Variants in CTNND2 observed in about 807,000 individuals in gnomAD.
The protein encoded by CTNND2 is catenin delta 2.
In CTNND2, 22 loss-of-function variants were observed where a neutral mutation model predicts 144.4. That is an observed-to-expected ratio of 0.15 (90% CI 0.11 to 0.22). CTNND2 has a LOEUF of 0.22. CTNND2 is among the 10% of genes least tolerant of loss of function. The pLI, the probability that CTNND2 is intolerant of heterozygous loss-of-function variation, is 1.00. For synonymous variants in CTNND2, 751 were observed against 695.6 expected (o/e 1.08, Z -1.25); for missense variants, 1,353 against 1,618.8 (o/e 0.84, Z 2.82).
At chr5:11,256,267 C>T (rs979322827) in intron 9 of CTNND2, among the ~76,000 whole-genome samples, 1 of 152,164 alleles carries the variant, frequency 6.6e-6, no homozygotes, top group African/African-American at 2.4e-5. Context: ...TGTGTGTTGA[C>T]ATAGATACAT....
intron 9 of CTNND2, among the ~76,000 whole-genome samples, chr5:11,294,988 C>T (rs1300422790): frequency 3.3e-5 from 5 of 152,190 alleles, no homozygotes; most frequent in East Asian, 1.9e-4. Flanking sequence ...CCAGGGCAAT[C>T]AGGCAGGAGA....
At chr5:11,872,930 T>C (rs1254034125) in intron 1 of CTNND2, among the ~76,000 whole-genome samples, 1 of 152,194 alleles carries the variant, frequency 6.6e-6, no homozygotes, top group African/African-American at 2.4e-5. Flanking sequence ...ATTCAGGACA[T>C]AGGCATTGAC....
At chr5:11,734,334 T>C (rs1269815200) in intron 1 of CTNND2, among the ~76,000 whole-genome samples, 1 of 152,166 alleles carries the variant, frequency 6.6e-6, no homozygotes, top group Non-Finnish European at 1.5e-5. Context: ...TCTTGAATTG[T>C]AGCTCCCAAA....
At chr5:11,079,868 A>C (rs982129927) in intron 16 of CTNND2, among the ~76,000 whole-genome samples, 1 of 152,242 alleles carries the variant, frequency 6.6e-6, no homozygotes, top group African/African-American at 2.4e-5. Flanking sequence ...TAAACTATAA[A>C]AATTCTAGGA....
chr5:11,653,755 GT>G (rs1418439878), intron 2 of CTNND2, among the ~76,000 whole-genome samples: 57 of 143,558 alleles, frequency 4.0e-4, no homozygotes, highest in Middle Eastern at 3.6e-3. Flanking sequence ...GGCTTGTTTG[GT>G]TTTTTTTTTT....
chr5:11,829,326 G>A (rs561169123), intron 1 of CTNND2, among the ~76,000 whole-genome samples: 3 of 152,152 alleles, frequency 2.0e-5, no homozygotes, highest in Admixed American at 6.5e-5. Context: ...TCCAGGGAAT[G>A]CCAGAGGTCT....
intron 9 of CTNND2, among the ~76,000 whole-genome samples, chr5:11,346,144 T>G (rs561301343): frequency 1.3e-4 from 20 of 152,234 alleles, no homozygotes; most frequent in African/African-American, 4.6e-4. Context: ...ATCAAGCACA[T>G]ATAGATACTC....
intron 9 of CTNND2, 30 bp downstream of exon 9, chr5:11,346,342 T>C: frequency 7.1e-7 from 1 of 1,413,166 alleles, no homozygotes; most frequent in Non-Finnish European, 9.3e-7. Flanking sequence ...TCTTTAGACA[T>C]CATAGGGAAA....
At chr5:11,730,111 AT>A (rs1367402625) in intron 2 of CTNND2, among the ~76,000 whole-genome samples, 1 of 151,888 alleles carries the variant, frequency 6.6e-6, no homozygotes, top group African/African-American at 2.4e-5. Context: ...CTCTTGGACT[AT>A]TTTTCTTTGC....
intron 11 of CTNND2, among the ~76,000 whole-genome samples, chr5:11,186,690 C>T (rs1442706852): frequency 6.6e-6 from 1 of 152,166 alleles, no homozygotes; most frequent in East Asian, 1.9e-4. Flanking sequence ...CTAAGAACCT[C>T]GAGAGGGTAT....
At chr5:11,710,430 C>T (rs540490389) in intron 2 of CTNND2, among the ~76,000 whole-genome samples, 197 of 151,562 alleles carry the variant, frequency 1.3e-3, no homozygotes, top group African/African-American at 4.3e-3. Context: ...GTCCCAGCTA[C>T]TTGGGAGGCT....
intron 16 of CTNND2, among the ~76,000 whole-genome samples, chr5:11,068,740 C>T (rs1414080411): frequency 2.0e-5 from 3 of 152,220 alleles, no homozygotes; most frequent in Non-Finnish European, 2.9e-5. Context: ...ACGGTGAAAC[C>T]CCGTCTCTAC....
At chr5:11,105,885 G>A (rs1052538617) in intron 14 of CTNND2, among the ~76,000 whole-genome samples, 9 of 152,204 alleles carry the variant, frequency 5.9e-5, no homozygotes, top group African/African-American at 2.2e-4. Flanking sequence ...GACTGTACTC[G>A]AACCAGCCAA....
chr5:11,229,340 A>G (rs1740722699), intron 10 of CTNND2, among the ~76,000 whole-genome samples: 1 of 152,216 alleles, frequency 6.6e-6, no homozygotes, highest in Non-Finnish European at 1.5e-5. Context: ...TAAAAAGTTA[A>G]TTGATTTATT....
intron 3 of CTNND2, among the ~76,000 whole-genome samples, chr5:11,460,167 A>C (rs1427863893): frequency 4.6e-5 from 7 of 152,204 alleles, no homozygotes; most frequent in African/African-American, 1.7e-4. Context: ...GGGAGCCTCC[A>C]ACATAGGTGA....
chr5:11,875,527 G>A (rs1735500290), intron 1 of CTNND2, among the ~76,000 whole-genome samples: 1 of 152,112 alleles, frequency 6.6e-6, no homozygotes, highest in Non-Finnish European at 1.5e-5. Flanking sequence ...TTAAAGCCAG[G>A]GGCCTTTGAG....
intron 20 of CTNND2, among the ~76,000 whole-genome samples, chr5:10,982,739 A>T (rs1370684776): frequency 2.0e-5 from 3 of 152,250 alleles, no homozygotes; most frequent in Non-Finnish European, 4.4e-5. Flanking sequence ...CTAGATGTGG[A>T]ATCAACCCAA....
chr5:11,562,435 A>C (rs1253693820), intron 3 of CTNND2, among the ~76,000 whole-genome samples: 2 of 152,276 alleles, frequency 1.3e-5, no homozygotes, highest in Non-Finnish European at 2.9e-5. Context: ...ACAAACAAAC[A>C]AACAGTGGAA....
Position 11,125,618 on chromosome 5 carries a change from T to C in CTNND2, c.2160-8051A>G, listed in dbSNP as rs1435655193. ...CCTCCCAGCCCAGAGGGGAGAAACA[T>C]GCCAGGCGGGTTACCAGCACCCCAC... is the stretch of plus-strand genomic sequence containing the variant. On this transcript the variant is annotated intron_variant, in intron 12 of 21. Transcript: ENST00000304623. Among the ~76,000 whole-genome samples, 5 of 152,160 alleles carry C rather than the reference T, an allele frequency of 3.3e-5. No individual in the cohort carries two copies. In the East Asian group the frequency reaches 7.7e-4, roughly 23 times the overall value.
Sources: allele counts gnomAD v4.1 joint callset (sites outside exome capture counted in the v4.1 genomes callset), GRCh38; gene constraint gnomAD v4.1.1; transcripts MANE v1.5; gene names NCBI Gene and HGNC (gene_info 2026-07-23, HGNC 2026-07-21).